GTPBP3: variants seen among roughly 807,000 people sequenced by gnomAD.
GTPBP3 encodes the protein 5-taurinomethyluridine-[tRNA] synthase subunit GTPB3, mitochondrial.
A neutral mutation model predicts 42.0 loss-of-function variants in GTPBP3; 35 were observed. That is an observed-to-expected ratio of 0.83 (90% CI 0.64 to 1.10). The LOEUF (loss-of-function observed/expected upper bound fraction) is 1.10, where lower values mean the gene tolerates loss of function less well. Among genes scored for constraint, GTPBP3 ranks in the 50% least tolerant of loss-of-function variants. The pLI, the probability that GTPBP3 is intolerant of heterozygous loss-of-function variation, is 0.00. For missense variants in GTPBP3, 691 were observed against 685.2 expected (o/e 1.01, Z -0.09); for synonymous variants, 332 against 314.9 (o/e 1.05, Z -0.58).
Position 17,341,930 on chromosome 19 carries a change from G to A in GTPBP3, c.*227G>A. 2.3e-6 allele frequency: 1 copy of A among 432,586 alleles called. No homozygotes were observed. The highest frequency in any genetic ancestry group is 4.1e-6 in the Non-Finnish European group (1 of 246,640). 26.8% of individuals were successfully genotyped at this position (432,586 alleles called of 1,614,324 possible). On this transcript the variant is annotated 3_prime_UTR_variant, in exon 9 of 9. Coordinates refer to ENST00000324894, the MANE Select transcript of GTPBP3 (RefSeq NM_032620.4). ...GTCCCGTTCGACCCTTGATGCTGGGGCATCCGGGTTGGGATGGAGATAGGA... is the reference window on the plus strand; with the variant it reads ...GTCCCGTTCGACCCTTGATGCTGGGACATCCGGGTTGGGATGGAGATAGGA...
At chr19:17,335,000 A>G (rs2074354726), upstream of GTPBP3, 2 of 1,535,556 alleles carry the variant, frequency 1.3e-6, no homozygotes, top group Non-Finnish European at 1.7e-6. Context: ...CCCCGCCCGC[A>G]CTGATGGTGC....
chr19:17,338,615 G>T lies in GTPBP3; in HGVS notation c.465G>T (p.Leu155=), dbSNP rs754066658. ...RRAFANGKLN[L]TEVEGLADLI... ...CGTTCGCCAATGGGAAGCTGAACCTGACCGAAGTGGAGGGGCTGGCGGACC... is the reference window on the plus strand; with the variant it reads ...CGTTCGCCAATGGGAAGCTGAACCTTACCGAAGTGGAGGGGCTGGCGGACC... The change falls in exon 4 of 9, where the codon CTG becomes CTT. Residue 155 remains leucine (L), a synonymous_variant. Transcript: ENST00000324894. 11 of 1,613,976 alleles carry T rather than the reference G, an allele frequency of 6.8e-6. No individual in the cohort carries two copies. The highest frequency in any genetic ancestry group is 1.1e-5 in the South Asian group (1 of 91,074).
Position 17,338,750 on chromosome 19 carries a change from C to T in GTPBP3, c.591+9C>T, listed in dbSNP as rs759741708. 24 of 1,599,644 alleles carry T rather than the reference C, an allele frequency of 1.5e-5. No homozygotes were observed. The highest frequency in any genetic ancestry group is 3.3e-4 in the Middle Eastern group (2 of 6,016). On this transcript the variant is annotated intron_variant, in intron 4 of 8. Transcript: ENST00000324894. ...CCGAGACCCTCACCAAAGCAAGTCCCCCATTTGTCCATTCTCTCCCTCAGA... is the reference window on the plus strand; with the variant it reads ...CCGAGACCCTCACCAAAGCAAGTCCTCCATTTGTCCATTCTCTCCCTCAGA...
upstream of GTPBP3, chr19:17,335,167 G>A (rs1458667761): frequency 6.5e-7 from 1 of 1,533,802 alleles, no homozygotes; most frequent in Non-Finnish European, 8.7e-7. Context: ...GCCGGTTGGG[G>A]AAGATTCCTG....
At position 17,341,751 on chromosome 19, in the gene GTPBP3, T is replaced by G; in HGVS notation, c.*48T>G. 4.1e-6 allele frequency: 6 copies of G among 1,474,648 alleles called. No individual in the cohort carries two copies. Among genetic ancestry groups the G allele is most frequent in the Non-Finnish European group, 5.5e-6 (6 of 1,094,054 alleles). 91.3% of individuals were successfully genotyped at this position (1,474,648 alleles called of 1,614,324 possible). A position where few individuals can be genotyped will look rare whatever the true frequency, so the allele number is the denominator to read the frequency against. ...CAAGCTGCGTGGAGACCCAGGAGCCTCGGGGGATCTGGAAACAGTTTAGGC... is the reference window on the plus strand; with the variant it reads ...CAAGCTGCGTGGAGACCCAGGAGCCGCGGGGGATCTGGAAACAGTTTAGGC... On this transcript the variant is annotated 3_prime_UTR_variant, in exon 9 of 9. Coordinates refer to ENST00000324894, the MANE Select transcript of GTPBP3 (RefSeq NM_032620.4).
Position 17,338,538 on chromosome 19 carries a change from G to A in GTPBP3, c.389-1G>A. On this transcript the variant is annotated splice_acceptor_variant, in intron 3 of 8. Coordinates refer to ENST00000324894, the MANE Select transcript of GTPBP3 (RefSeq NM_032620.4). LOFTEE classifies it high-confidence loss of function. ...GGTGTCAGACTGGGACCTTCCTGCAGGCAGCGTGCCAGGGCTTCGACCGGC... is the reference window on the plus strand; with the variant it reads ...GGTGTCAGACTGGGACCTTCCTGCAAGCAGCGTGCCAGGGCTTCGACCGGC... The A allele has an allele frequency of 2.5e-6, 4 of 1,613,482 alleles. No individual in the cohort carries two copies. The highest frequency in any genetic ancestry group is 3.4e-6 in the Non-Finnish European group (4 of 1,179,562).
intron 6 of GTPBP3, 65 bp from the exon 7 acceptor site, chr19:17,339,369 G>C (rs2074404632): frequency 6.3e-6 from 10 of 1,594,868 alleles, no homozygotes; most frequent in African/African-American, 2.7e-5. Flanking sequence ...TCCAGACATG[G>C]GGTAGAACCT....
In GTPBP3 at chr19:17,341,809, T is replaced by C; in HGVS notation, c.*106T>C. The C allele has an allele frequency of 1.0e-6, 1 of 995,694 alleles. No homozygotes were observed. The highest frequency in any genetic ancestry group is 1.6e-5 in the African/African-American group (1 of 61,544). The allele number at this position is 995,694 out of a possible 1,614,324, so 61.7% of individuals were successfully genotyped here. ...GATTCTCATTCGCCTGGGAAAGAAC[T>C]TGATTCTCAAATAGTGAAGCAACAC... On this transcript the variant is annotated 3_prime_UTR_variant, in exon 9 of 9. Coordinates refer to ENST00000324894, the MANE Select transcript of GTPBP3 (RefSeq NM_032620.4).
rs183176458 is a variant in GTPBP3 at position 17,342,045 on chromosome 19, A to G, written c.*342A>G. 3.6e-3 allele frequency: 785 copies of G among 220,100 alleles called. 3 individuals carry two copies. The highest frequency in any genetic ancestry group is 0.017 in the African/African-American group (741 of 43,864). The allele number at this position is 220,100 out of a possible 1,614,324, so 13.6% of individuals were successfully genotyped here. A position where few individuals can be genotyped will look rare whatever the true frequency, so the allele number is the denominator to read the frequency against. Reference sequence around the variant, plus strand: ...AAACTCAGGTGATCTAGAAGTGTTTATTTTCTTCCCTTCCCTTCCCTTCCC... The same window carrying G: ...AAACTCAGGTGATCTAGAAGTGTTTGTTTTCTTCCCTTCCCTTCCCTTCCC... On this transcript the variant is annotated 3_prime_UTR_variant, in exon 9 of 9. Coordinates refer to ENST00000324894, the MANE Select transcript of GTPBP3 (RefSeq NM_032620.4).
Position 17,341,186 on chromosome 19 carries a change from C to A in GTPBP3, c.1117C>A (p.Leu373Met). The A allele has an allele frequency of 6.2e-7, 1 of 1,612,072 alleles. No individual in the cohort carries two copies. The highest frequency in any genetic ancestry group is 8.5e-7 in the Non-Finnish European group (1 of 1,180,008). ...CAGCAGCCAGCGCCTCCTCCTGGTG[C>A]TGAACAAGTCGGACCTGCTGTCCCC... ...SDSSQRLLLVLNKSDLLSPEG... is the reference protein window; with the variant it reads ...SDSSQRLLLVMNKSDLLSPEG... The change falls in exon 8 of 9, where the codon CTG (leucine) becomes ATG (methionine). Residue 373 changes from leucine (L) to methionine (M), a missense_variant. Transcript: ENST00000324894.
At chr19:17,337,960 G>T in intron 1 of GTPBP3, 48 bp from the exon 2 acceptor site, 1 of 1,586,634 alleles carries the variant, frequency 6.3e-7, no homozygotes, top group South Asian at 1.1e-5. Context: ...ACTTGACACT[G>T]AGGCTGAGCC....
intron 7 of GTPBP3, among the ~76,000 whole-genome samples, chr19:17,340,272 G>A (rs1263894097): frequency 6.6e-6 from 1 of 151,378 alleles, no homozygotes; most frequent in African/African-American, 2.4e-5. Context: ...CCTGATCTCA[G>A]GTGACCCGCC....
At chr19:17,335,176 T>C (rs2074356370), upstream of GTPBP3, 1 of 1,533,754 alleles carries the variant, frequency 6.5e-7, no homozygotes, top group Non-Finnish European at 8.7e-7. Flanking sequence ...GGAAGATTCC[T>C]GGTGACAATA....
chr19:17,337,944 CGGT>C (rs1568365442), intron 1 of GTPBP3, 61 bp from the exon 2 acceptor site: 1 of 1,562,160 alleles, frequency 6.4e-7, no homozygotes, highest in Non-Finnish European at 8.6e-7. Context: ...ATCGAGCCCT[CGGT>C]CTACTTGACA....
rs747746347 is a variant in GTPBP3, at chr19:17,341,538, C to T, written c.1314C>T (p.Leu438=). Residue 438 remains leucine, a synonymous_variant, in exon 9 of 9, where the codon CTC becomes CTT. Transcript: ENST00000324894. The part of the protein sequence containing the change: ...LLTRARHQHH[L]QGCLDALGHY... Reference sequence around the variant, plus strand: ...CCCGAGCAAGGCACCAGCACCACCTCCAGGGTTGCCTGGATGCCCTCGGCC... The same window carrying T: ...CCCGAGCAAGGCACCAGCACCACCTTCAGGGTTGCCTGGATGCCCTCGGCC... 32 of 1,613,850 alleles carry T rather than the reference C, an allele frequency of 2.0e-5. No individual in the cohort carries two copies. In the Middle Eastern group the frequency reaches 5.0e-4, roughly 25 times the overall value.
At chr19:17,340,894 C>CT in intron 7 of GTPBP3, 150 bp from the exon 8 acceptor site, 1 of 638,228 alleles carries the variant, frequency 1.6e-6, no homozygotes, top group Non-Finnish European at 2.4e-6. Flanking sequence ...CCCCAACATT[C>CT]TGCCGGTCCC....
chr19:17,337,737 G>T, intron 1 of GTPBP3, 73 bp downstream of exon 1: 1 of 1,393,454 alleles, frequency 7.2e-7, no homozygotes. Flanking sequence ...CTGGGTTTTA[G>T]GGGCCCAATT....
intron 1 of GTPBP3, 116 bp from the exon 2 acceptor site, chr19:17,337,892 C>T (rs935719021): frequency 1.5e-6 from 2 of 1,331,520 alleles, no homozygotes; most frequent in African/African-American, 1.5e-5. Context: ...ATTTGTGCAT[C>T]CCCCAGCCGC....
At position 17,341,493 on chromosome 19, in the gene GTPBP3, C is replaced by T. The variant is rs1348120310; in HGVS notation, c.1269C>T (p.Ser423=). The change falls in exon 9 of 9, where the codon TCC becomes TCT. Residue 423 remains serine (S), a synonymous_variant. Transcript: ENST00000324894. The part of the protein sequence containing the change: ...KELAAVCGDP[S]TDPPLLTRAR... ...TCTCTTCCAGGTGTGGGGACCCGTC[C>T]ACAGATCCCCCGCTGCTGACCCGAG... The T allele has an allele frequency of 1.2e-6, 2 of 1,611,786 alleles. No homozygotes were observed. The highest frequency in any genetic ancestry group is 4.5e-5 in the East Asian group (2 of 44,804).
Sources: allele counts gnomAD v4.1 joint callset (sites outside exome capture counted in the v4.1 genomes callset), GRCh38; gene constraint gnomAD v4.1.1; transcripts MANE v1.5; gene names NCBI Gene and HGNC (gene_info 2026-07-23, HGNC 2026-07-21).